The following USP35 variants were observed in gnomAD, a reference collection of about 807,000 sequenced individuals.
USP35 encodes the protein ubiquitin specific peptidase 35.
In USP35, 69 loss-of-function variants were observed where a neutral mutation model predicts 83.8. The ratio of observed to expected loss-of-function variants is 0.82; its 90% CI spans 0.68 to 1.01. The LOEUF (loss-of-function observed/expected upper bound fraction) is 1.01, where lower values mean the gene tolerates loss of function less well. USP35 is among the 50% of genes least tolerant of loss of function. USP35 has a pLI of 0.00. For missense variants in USP35, 1,503 were observed against 1,362.5 expected (o/e 1.10, Z -1.62); for synonymous variants, 714 against 589.5 (o/e 1.21, Z -3.06).
chr11:78,206,099 G>C (rs1863522761), intron 7 of USP35, 64 bp downstream of exon 7: 3 of 1,555,720 alleles, frequency 1.9e-6, no homozygotes, highest in South Asian at 2.4e-5. Flanking sequence ...CCTGATGACA[G>C]GTGGAAAGGT....
In USP35 at chr11:78,213,697, A is replaced by G. The variant is rs750530892; in HGVS notation, c.2941A>G (p.Thr981Ala). Residue 981 changes from threonine to alanine, a missense_variant, in exon 11 of 11, where the codon ACA (threonine) becomes GCA (alanine). By Grantham distance (58) the Thr-to-Ala change is moderately conservative (BLOSUM62 0). Coordinates refer to ENST00000529308, the MANE Select transcript of USP35 (RefSeq NM_020798.4). ...GGCGGCCTACATCTCTGCACTCCCC[A>G]CATCTCCGCACTGGGGGAGGGGCTT... ...SRAAYISALP[T>A]SPHWGRGFDE... 1 of 1,527,700 alleles carries G rather than the reference A, an allele frequency of 6.5e-7. No individual in the cohort carries two copies. The highest frequency in any genetic ancestry group is 1.3e-5 in the South Asian group (1 of 77,122). The allele number at this position is 1,527,700 out of a possible 1,614,324, so 94.6% of individuals were successfully genotyped here. A position where few individuals can be genotyped will look rare whatever the true frequency, so the allele number is the denominator to read the frequency against.
In USP35 at chr11:78,207,560, G is replaced by A. The variant is rs746500599; in HGVS notation, c.1422G>A (p.Glu474=). Residue 474 remains glutamate, a synonymous_variant, in exon 8 of 11, where the codon GAG becomes GAA. Transcript: ENST00000529308. ...GACATTGTGTGCTCCGCTTGACTGAGAACAACTCACAGCCCCTGATGACCA... is the reference window on the plus strand; with the variant it reads ...GACATTGTGTGCTCCGCTTGACTGAAAACAACTCACAGCCCCTGATGACCA... ...DFRHCVLRLT[E]NNSQPLMTKL... is the part of the protein sequence containing the mutation. 6.2e-7 allele frequency: 1 copy of A among 1,614,150 alleles called. No individual in the cohort carries two copies. The highest frequency in any genetic ancestry group is 8.5e-7 in the Non-Finnish European group (1 of 1,180,024).
Position 78,210,305 on chromosome 11 carries a change from CCATGCGG to C in USP35, c.2452_2458del (p.Met818AlafsTer131). On this transcript the variant is annotated frameshift_variant, in exon 10 of 11. Transcript: ENST00000529308. LOFTEE classifies it high-confidence loss of function. ...CTGCGCTTCTCTTTCGACCTGCGCACCATGCGGCGCCGCAAGATCCTGGATGACGTCT... is the reference window on the plus strand; with the variant it reads ...CTGCGCTTCTCTTTCGACCTGCGCACCGCCGCAAGATCCTGGATGACGTCT... The C allele has an allele frequency of 6.2e-7, 1 of 1,613,816 alleles. No homozygotes were observed. The highest frequency in any genetic ancestry group is 1.3e-5 in the African/African-American group (1 of 75,080).
the USP35 span, chr11:78,220,500 C>A: frequency 6.8e-7 from 1 of 1,477,924 alleles, no homozygotes; most frequent in Non-Finnish European, 9.1e-7. Flanking sequence ...TAACCCACCA[C>A]CCAGAAAAAC....
At chr11:78,221,998 C>T in the USP35 span, 56 of 786,942 alleles carry the variant, frequency 7.1e-5, no homozygotes, top group Non-Finnish European at 1.0e-4. Context: ...CTAATGATAG[C>T]GTTAGCATCA....
intron 3 of USP35, chr11:78,199,220 G>C (rs1863260434): frequency 4.1e-6 from 1 of 245,236 alleles, no homozygotes; most frequent in African/African-American, 2.2e-5. Flanking sequence ...GAGCGGGGAA[G>C]TGGCTTGCTC....
At position 78,215,160 on chromosome 11, in the gene USP35, G is replaced by A. The variant is rs1464722763; in HGVS notation, c.*1347G>A. On this transcript the variant is annotated 3_prime_UTR_variant, in exon 11 of 11. Coordinates refer to ENST00000529308, the MANE Select transcript of USP35 (RefSeq NM_020798.4). ...CCACTTTACAACAGACGCTGAGGTA[G>A]AGAGCATTTGTTCTTATTCACAGCC... 1 of 152,490 alleles carries A rather than the reference G, an allele frequency of 6.6e-6. No homozygotes were observed. Among genetic ancestry groups the A allele is most frequent in the African/African-American group, 2.4e-5 (1 of 41,450 alleles). The allele number at this position is 152,490 out of a possible 1,614,324, so 9.4% of individuals were successfully genotyped here. A position where few individuals can be genotyped will look rare whatever the true frequency, so the allele number is the denominator to read the frequency against.
chr11:78,199,790 A>G, intron 4 of USP35, 66 bp downstream of exon 4: 1 of 1,608,036 alleles, frequency 6.2e-7, no homozygotes, highest in Non-Finnish European at 8.5e-7. Flanking sequence ...GGGGCGGTGC[A>G]GGTCTGGGAG....
the USP35 span, among the ~76,000 whole-genome samples, chr11:78,236,521 A>G: frequency 6.6e-6 from 1 of 152,218 alleles, no homozygotes; most frequent in African/African-American, 2.4e-5. Context: ...AAGTGGTAAG[A>G]ACAGGTACTT....
the USP35 span, among the ~76,000 whole-genome samples, chr11:78,222,748 A>T: frequency 2.0e-5 from 3 of 151,748 alleles, no homozygotes; most frequent in Non-Finnish European, 4.4e-5. Context: ...ACGCTTAGCT[A>T]ATTTTTATAT....
At chr11:78,200,535 C>A in intron 5 of USP35, 115 bp from the exon 6 acceptor site, 1 of 1,442,306 alleles carries the variant, frequency 6.9e-7, no homozygotes, top group East Asian at 2.4e-5. Flanking sequence ...GGACAGTGGT[C>A]AGGTGGGCAA....
the USP35 span, among the ~76,000 whole-genome samples, chr11:78,221,334 TCACCACTGAGGAGATACCTC>T: frequency 9.2e-5 from 14 of 152,180 alleles, no homozygotes; most frequent in South Asian, 2.1e-4. Context: ...CGTATGCCTC[TCACCACTGAGGAGATACCTC>T]CACCACTGAG....
rs2134412352 is a variant in USP35, at chr11:78,209,428, C to T, written c.1593-20C>T. ...GGGGACCCGCATGTACATGTAGTGA[C>T]TCTGTGCTCTCTGCCCCAGGCTGCA... is the stretch of plus-strand genomic sequence containing the variant. On this transcript the variant is annotated intron_variant, in intron 9 of 10. Transcript: ENST00000529308. The T allele has an allele frequency of 6.3e-7, 1 of 1,575,238 alleles. No individual in the cohort carries two copies. The highest frequency in any genetic ancestry group is 8.6e-7 in the Non-Finnish European group (1 of 1,159,476).
At chr11:78,223,573 C>G in the USP35 span, 1 of 1,613,800 alleles carries the variant, frequency 6.2e-7, no homozygotes, top group South Asian at 1.1e-5. Context: ...GGAATTATCA[C>G]CTGCTCGTTC....
intron 4 of USP35, 140 bp downstream of exon 4, chr11:78,199,864 C>G: frequency 2.9e-6 from 4 of 1,372,024 alleles, no homozygotes; most frequent in Non-Finnish European, 4.0e-6. Flanking sequence ...CTGCCCCTCT[C>G]TGGGCCTCAG....
the USP35 span, chr11:78,226,954 C>G: frequency 7.0e-5 from 113 of 1,613,588 alleles, 1 homozygote; most frequent in East Asian, 2.4e-3. Flanking sequence ...CCACTGATCC[C>G]GTTGACACAG....
chr11:78,223,470 G>A, the USP35 span: 9 of 1,598,546 alleles, frequency 5.6e-6, no homozygotes, highest in East Asian at 2.0e-4. Context: ...CACTTCCTCT[G>A]CTGGGGCCTC....
chr11:78,206,557 T>C (rs563679184), intron 7 of USP35, among the ~76,000 whole-genome samples: 1 of 152,294 alleles, frequency 6.6e-6, no homozygotes, highest in East Asian at 1.9e-4. Context: ...TGGGAGGAGA[T>C]TGGAGCTGAT....
intron 1 of USP35, among the ~76,000 whole-genome samples, chr11:78,193,894 G>A (rs1210877138): frequency 3.3e-5 from 5 of 152,162 alleles, no homozygotes; most frequent in African/African-American, 4.8e-5. Context: ...GCAGTGGCAC[G>A]ATCTTGCCTT....
Sources: gnomAD v4.1 joint callset for allele counts (sites outside exome capture counted in the v4.1 genomes callset) on GRCh38, gnomAD v4.1.1 for gene constraint, MANE v1.5 for transcripts, NCBI Gene and HGNC (gene_info 2026-07-23, HGNC 2026-07-21) for gene names.